Variants in MORN1 observed in about 807,000 individuals in gnomAD.
MORN1 encodes MORN repeat-containing protein 1.
Under a neutral mutation model 61.9 loss-of-function variants are expected in MORN1, and 67 were observed. The ratio of observed to expected loss-of-function variants is 1.08; its 90% CI spans 0.89 to 1.33. The LOEUF (loss-of-function observed/expected upper bound fraction) is 1.33. MORN1 is among the 40% of genes most tolerant of loss of function. The pLI is 0.00. For missense variants in MORN1, 752 were observed against 691.2 expected, an observed-to-expected ratio of 1.09 and a Z score of -0.99; for synonymous variants, 301 against 292.0, an observed-to-expected ratio of 1.03 and a Z score of -0.31.
rs1213842699 is a variant in MORN1, at chr1:2,358,604, A to G, written c.857T>C (p.Ile286Thr). 3 of 1,614,000 alleles carry G rather than the reference A, an allele frequency of 1.9e-6. No individual in the cohort carries two copies. The highest frequency in any genetic ancestry group is 2.7e-5 in the African/African-American group (2 of 74,916). ...KVDRDNQETL[I>T]QTPFGFECIP... Reference sequence around the variant, plus strand: ...CACACGTACTCACAATGGGGTCTGGATGAGTGTCTCTTGGTTGTCTCTGTC... The same window carrying G: ...CACACGTACTCACAATGGGGTCTGGGTGAGTGTCTCTTGGTTGTCTCTGTC... The change falls in exon 9 of 14, where the codon ATC (isoleucine) becomes ACC (threonine). Residue 286 changes from isoleucine (I) to threonine (T), a missense_variant. By Grantham distance (89) the Ile-to-Thr change is moderately conservative. Transcript: ENST00000378531.
At chr1:2,342,886 ATTTTATTT>A (rs1641432494) in intron 10 of MORN1, among the ~76,000 whole-genome samples, 1 of 117,388 alleles carries the variant, frequency 8.5e-6, no homozygotes, top group Non-Finnish European at 1.8e-5. Flanking sequence ...ATTTTATTTT[ATTTTATTT>A]TATTTTATTT....
At position 2,332,620 on chromosome 1, in the gene MORN1, G is replaced by A. The variant is rs1486888984; in HGVS notation, c.1250+3849C>T. ...CCCAGGTTGGGGGCCAGGAGGGCGC[G>A]ACGTGGCGTCTGGACATGGAAGGGG... On this transcript the variant is annotated intron_variant, in intron 12 of 13. Coordinates refer to ENST00000378531, the MANE Select transcript of MORN1 (RefSeq NM_024848.3). The A allele has an allele frequency of 2.0e-5, 9 of 456,428 alleles. No individual in the cohort carries two copies. The East Asian group carries it at 2.1e-4, about 11-fold the overall frequency. 28.3% of individuals were successfully genotyped at this position (456,428 alleles called of 1,614,324 possible).
In MORN1 at chr1:2,358,658, G is replaced by A. The variant is rs769575231; in HGVS notation, c.803C>T (p.Ala268Val). 56 of 1,613,874 alleles carry A rather than the reference G, an allele frequency of 3.5e-5. No individual in the cohort carries two copies. The highest frequency in any genetic ancestry group is 4.4e-5 in the Non-Finnish European group (52 of 1,179,984). ...TTTGAAAAAGTTGACCTCAGAGTAG[G>A]CTGACAGCTGCACGTATCTGACGCC... The part of the protein sequence containing the change: ...SAGVRYVQLS[A>V]YSEVNFFKVD... The change falls in exon 9 of 14, where the codon GCC becomes GTC. Residue 268 changes from alanine to valine, a missense_variant. Physicochemically the swap from Ala to Val is moderately conservative, Grantham distance 64. Coordinates refer to ENST00000378531, the MANE Select transcript of MORN1 (RefSeq NM_024848.3).
chr1:2,381,811 C>A (rs1182627393), intron 6 of MORN1, among the ~76,000 whole-genome samples: 1 of 152,232 alleles, frequency 6.6e-6, no homozygotes, highest in Non-Finnish European at 1.5e-5. Context: ...CCAGGCCATC[C>A]TCCCCCGTCC....
chr1:2,384,631 G>A (rs1011340705), intron 6 of MORN1, among the ~76,000 whole-genome samples: 11 of 152,182 alleles, frequency 7.2e-5, no homozygotes, highest in Non-Finnish European at 7.3e-5. Context: ...CCTCAGCTGC[G>A]CCACCAGTCT....
At chr1:2,347,213 G>T (rs369517556) in intron 10 of MORN1, among the ~76,000 whole-genome samples, 2 of 152,162 alleles carry the variant, frequency 1.3e-5, no homozygotes, top group African/African-American at 2.4e-5. Flanking sequence ...CAGGGGACAC[G>T]TCCCCTTGGG....
chr1:2,333,246 G>A (rs1027132096), intron 12 of MORN1, among the ~76,000 whole-genome samples: 18 of 152,240 alleles, frequency 1.2e-4, no homozygotes, highest in East Asian at 3.9e-4. Flanking sequence ...GGCTGGCCCC[G>A]CTGCAACAGG....
intron 13 of MORN1, chr1:2,322,043 T>G: frequency 2.0e-6 from 2 of 985,382 alleles, no homozygotes; most frequent in Non-Finnish European, 2.4e-6. Context: ...GGCTGGTGTG[T>G]CTGGTTTGCT....
chr1:2,386,100 G>T (rs559390948), intron 4 of MORN1: 3 of 579,572 alleles, frequency 5.2e-6, no homozygotes, highest in East Asian at 2.9e-5. Context: ...GGCTCTGAAC[G>T]GGAAGGGCAG....
rs769158514 is a variant in MORN1, at chr1:2,374,539, C to T, written c.556G>A (p.Val186Ile). 30 of 1,596,414 alleles carry T rather than the reference C, an allele frequency of 1.9e-5. No homozygotes were observed. Among genetic ancestry groups the T allele is most frequent in the Middle Eastern group, 1.6e-4 (1 of 6,066 alleles). The change falls in exon 7 of 14, where the codon GTC (valine) becomes ATC (isoleucine). Residue 186 changes from valine to isoleucine, a missense_variant. By Grantham distance (29) the Val-to-Ile change is conservative. Transcript: ENST00000378531. ...GCCATGCTGCCCAGTCCACTGAAGACGTCGCTGTGCCACTGTCCCTGCAGA... is the reference window on the plus strand; with the variant it reads ...GCCATGCTGCCCAGTCCACTGAAGATGTCGCTGTGCCACTGTCCCTGCAGA... ...STYKGQWHSDVFSGLGSMAHC... is the reference protein window; with the variant it reads ...STYKGQWHSDIFSGLGSMAHC...
intron 1 of MORN1, 101 bp downstream of exon 1, chr1:2,391,357 C>T (rs1205369709): frequency 2.5e-6 from 3 of 1,217,274 alleles, no homozygotes; most frequent in East Asian, 3.2e-5. Flanking sequence ...TGGACCTCTA[C>T]TTTCCGAGGT....
intron 6 of MORN1, among the ~76,000 whole-genome samples, chr1:2,383,824 C>G (rs12035227): frequency 0.37 from 56,077 of 152,000 alleles, 10,822 homozygotes; most frequent in South Asian, 0.53. Flanking sequence ...GTGCCTCACG[C>G]CCAGCATGGG....
chr1:2,390,015 C>T lies in MORN1; in HGVS notation c.77-19G>A, dbSNP rs1321971073. The T allele has an allele frequency of 1.2e-6, 2 of 1,602,896 alleles. No homozygotes were observed. The highest frequency in any genetic ancestry group is 1.7e-6 in the Non-Finnish European group (2 of 1,169,880). ...CCATAACCTGAGTATTGAGAAGACA[C>T]ACACAGGTAAGCACAGACACAGAGA... On this transcript the variant is annotated intron_variant, in intron 1 of 13. Coordinates refer to ENST00000378531, the MANE Select transcript of MORN1 (RefSeq NM_024848.3).
intron 10 of MORN1, among the ~76,000 whole-genome samples, chr1:2,348,829 G>A (rs1256601128): frequency 7.3e-5 from 11 of 150,254 alleles, no homozygotes; most frequent in Admixed American, 3.3e-4. Flanking sequence ...ACACACGCAC[G>A]CACACGCACA....
intron 10 of MORN1, among the ~76,000 whole-genome samples, chr1:2,347,572 C>T (rs889055926): frequency 2.6e-5 from 4 of 152,100 alleles, no homozygotes; most frequent in African/African-American, 9.7e-5. Flanking sequence ...GGACAGGCCC[C>T]AGATGACTTA....
chr1:2,348,653 A>G (rs1430596440), intron 10 of MORN1, among the ~76,000 whole-genome samples: 2 of 151,244 alleles, frequency 1.3e-5, no homozygotes, highest in East Asian at 2.0e-4. Flanking sequence ...GCAGGCACGC[A>G]CACACGCACG....
intron 10 of MORN1, among the ~76,000 whole-genome samples, chr1:2,346,204 G>A (rs886131768): frequency 6.6e-6 from 1 of 151,958 alleles, no homozygotes; most frequent in African/African-American, 2.4e-5. Flanking sequence ...AAAGCCACCA[G>A]GGAACCTTCC....
At chr1:2,382,208 A>G (rs1168868164) in intron 6 of MORN1, among the ~76,000 whole-genome samples, 2 of 152,164 alleles carry the variant, frequency 1.3e-5, no homozygotes, top group African/African-American at 4.8e-5. Context: ...GTCTGGCAGC[A>G]GGCGGCACCT....
rs770270651 is a variant in MORN1, at chr1:2,357,444, C to T, written c.1024G>A (p.Gly342Ser). ...GAGCTCCACTTACCAAGCAGGCCAC[C>T]AGGGGTGTCCTCCTGGCCATGGAGG... is the stretch of plus-strand genomic sequence containing the variant. ...GALHGQEDTP[G>S]GLLARGHAPH... Residue 342 changes from glycine to serine, a missense_variant, in exon 10 of 14, where the codon GGT (glycine) becomes AGT (serine). Transcript: ENST00000378531. The surrounding 1 kb of genome is among the most constrained non-coding windows in gnomAD (Gnocchi z 6.3). 3.1e-6 allele frequency: 5 copies of T among 1,607,748 alleles called. No individual in the cohort carries two copies. In the South Asian group the frequency reaches 4.4e-5, roughly 14 times the overall value.
Sources: allele counts gnomAD v4.1 joint callset (sites outside exome capture counted in the v4.1 genomes callset), GRCh38; gene constraint gnomAD v4.1.1; non-coding constraint Gnocchi (gnomAD v3.1); transcripts MANE v1.5; gene names NCBI Gene and HGNC (gene_info 2026-07-23, HGNC 2026-07-21).